The following MMP10 variants were observed in gnomAD, a reference collection of about 807,000 sequenced individuals.
MMP10 encodes the protein stromelysin-2.
MMP10 carries 50 observed loss-of-function variants against 49.1 expected under a neutral mutation model. The ratio of observed to expected loss-of-function variants is 1.02; its 90% CI spans 0.81 to 1.29. The LOEUF (loss-of-function observed/expected upper bound fraction) is 1.29, where lower values mean the gene tolerates loss of function less well. MMP10 is among the 50% of genes most tolerant of loss of function. MMP10 has a pLI of 0.00. For synonymous variants in MMP10, 229 were observed against 201.6 expected (o/e 1.14, Z -1.15); for missense variants, 613 against 563.8 (o/e 1.09, Z -0.88).
At chr11:102,780,386 A>G in intron 1 of MMP10, 101 bp downstream of exon 1, 2 of 912,176 alleles carry the variant, frequency 2.2e-6, no homozygotes, top group Non-Finnish European at 3.5e-6. Flanking sequence ...ACAGTTTTCT[A>G]ACAAAGTGAT....
intron 4 of MMP10, among the ~76,000 whole-genome samples, chr11:102,777,406 C>A (rs1029073797): frequency 6.6e-6 from 1 of 151,950 alleles, no homozygotes; most frequent in Non-Finnish European, 1.5e-5. Context: ...CAGGCACGTG[C>A]TACCATGCCC....
rs745767902 is a variant in MMP10, at chr11:102,770,864, G to A, written c.1360C>T (p.Gln454Ter). Residue 454 changes from glutamine (Q) to a stop codon, truncating the protein, a stop_gained, in exon 10 of 10, where the codon CAG becomes TAG. Coordinates refer to ENST00000279441, the MANE Select transcript of MMP10 (RefSeq NM_002425.3). LOFTEE classifies it high-confidence loss of function. ...GFFYFFSGSS[Q>*]FEFDPNARMV... ...CTGGCATTGGGGTCAAACTCAAACT[G>A]TGATGATCCACTGAAGAAGTAGAAA... 6.2e-7 allele frequency: 1 copy of A among 1,612,548 alleles called. No individual in the cohort carries two copies.
chr11:102,776,210 G>T (rs1857730211), intron 6 of MMP10, 70 bp downstream of exon 6: 3 of 1,415,454 alleles, frequency 2.1e-6, no homozygotes, highest in Non-Finnish European at 2.9e-6. Flanking sequence ...GCTCTGTCAA[G>T]TTTCTGTTTT....
rs560373036 is a variant in MMP10, at chr11:102,772,551, C to G, written c.1226+296G>C. Among the ~76,000 whole-genome samples, 1 of 152,312 alleles carries G rather than the reference C, an allele frequency of 6.6e-6. No homozygotes were observed. The highest frequency in any genetic ancestry group is 2.1e-4 in the South Asian group (1 of 4,820). On this transcript the variant is annotated intron_variant, in intron 8 of 9. Transcript: ENST00000279441. This position sits in a 1 kb window ranked among gnomAD's most constrained non-coding sequence, Gnocchi z 4.4. ...GATCCTGTCTCCAAAGCCTGCCACACCTGGGCTTCCTATGGCAGCCACATG... is the reference window on the plus strand; with the variant it reads ...GATCCTGTCTCCAAAGCCTGCCACAGCTGGGCTTCCTATGGCAGCCACATG...
Position 102,779,382 on chromosome 11 carries a change from A to C in MMP10, c.348-21T>G, listed in dbSNP as rs755934066. On this transcript the variant is annotated intron_variant, in intron 2 of 9. Transcript: ENST00000279441. ...CAATCCTGGAGGAGAAAAATTGAAGAGGATGTTATTTTCTCCTGCCTTTAT... is the reference window on the plus strand; with the variant it reads ...CAATCCTGGAGGAGAAAAATTGAAGCGGATGTTATTTTCTCCTGCCTTTAT... 4 of 1,612,396 alleles carry C rather than the reference A, an allele frequency of 2.5e-6. No homozygotes were observed. The South Asian group carries it at 4.4e-5, about 18-fold the overall frequency.
In MMP10 at chr11:102,779,243, C is replaced by G. The variant is rs1232463477; in HGVS notation, c.466G>C (p.Ala156Pro). Residue 156 changes from alanine (A) to proline (P), a missense_variant, in exon 3 of 10, where the codon GCT (alanine) becomes CCT (proline). Physicochemically the swap from Ala to Pro is conservative, Grantham distance 27. Coordinates refer to ENST00000279441, the MANE Select transcript of MMP10 (RefSeq NM_002425.3). Reference protein sequence around the residue: ...LTFSRLYEGEADIMISFAVKE... With the variant: ...LTFSRLYEGEPDIMISFAVKE... The stretch of plus-strand genomic sequence containing the variant: ...ACTGCAAAAGAGATCATTATATCAG[C>G]CTCTCCTTCATACAGCCTGGAGAAT... 6.2e-7 allele frequency: 1 copy of G among 1,613,600 alleles called. No individual in the cohort carries two copies. The highest frequency in any genetic ancestry group is 2.2e-5 in the East Asian group (1 of 44,892).
chr11:102,776,279 C>T lies in MMP10; in HGVS notation c.932+1G>A, dbSNP rs770889498. 11 of 1,612,478 alleles carry T rather than the reference C, an allele frequency of 6.8e-6. No homozygotes were observed. Among genetic ancestry groups the T allele is most frequent in the South Asian group, 1.1e-5 (1 of 90,608 alleles). ...AGGAAAATATAATTTTCTGGTCTGA[C>T]CTGTCTTTAAAGAACAGATATTCTC... On this transcript the variant is annotated splice_donor_variant, in intron 6 of 9. Transcript: ENST00000279441. LOFTEE classifies it high-confidence loss of function.
chr11:102,779,816 G>A (rs375628829), intron 1 of MMP10, 71 bp from the exon 2 acceptor site: 11 of 1,501,096 alleles, frequency 7.3e-6, no homozygotes, highest in South Asian at 1.3e-5. Flanking sequence ...ATAATCCATC[G>A]TAATTTTCCT....
intron 6 of MMP10, among the ~76,000 whole-genome samples, chr11:102,776,000 A>G (rs1353084778): frequency 6.6e-6 from 1 of 152,140 alleles, no homozygotes; most frequent in Non-Finnish European, 1.5e-5. Context: ...AAAATTCAGC[A>G]AGAACTAGAT....
Position 102,770,922 on chromosome 11 carries a change from G to C in MMP10, c.1331-29C>G, listed in dbSNP as rs773807702. On this transcript the variant is annotated intron_variant, in intron 9 of 9. Transcript: ENST00000279441. ...TAAATATAGATAAGGAAAATGATGAGACATCTTCAAATATGTCATTTTGCA... is the reference window on the plus strand; with the variant it reads ...TAAATATAGATAAGGAAAATGATGACACATCTTCAAATATGTCATTTTGCA... 9.2e-6 allele frequency: 13 copies of C among 1,411,764 alleles called. No individual in the cohort carries two copies. The Admixed American group carries it at 2.3e-4, about 25-fold the overall frequency. 87.5% of individuals were successfully genotyped at this position (1,411,764 alleles called of 1,614,324 possible).
rs1386825822 is a variant in MMP10 at position 102,776,685 on chromosome 11, G to T, written c.714C>A (p.Leu238=). 6.2e-7 allele frequency: 1 copy of T among 1,613,944 alleles called. No individual in the cohort carries two copies. Among genetic ancestry groups the T allele is most frequent in the African/African-American group, 1.3e-5 (1 of 74,914 alleles). Reference sequence around the variant, plus strand: ...GGGCGAGCTCTGTGAATGAGTTGTAGAGTGGGTACATCAAAGCTTCAGTGT... The same window carrying T: ...GGGCGAGCTCTGTGAATGAGTTGTATAGTGGGTACATCAAAGCTTCAGTGT... The part of the protein sequence containing the change: ...SANTEALMYP[L]YNSFTELAQF... Residue 238 remains leucine (L), a synonymous_variant, in exon 5 of 10, where the codon CTC becomes CTA. Transcript: ENST00000279441.
intron 5 of MMP10, 21 bp from the exon 6 acceptor site, chr11:102,776,445 G>C (rs767212291): frequency 6.2e-7 from 1 of 1,605,014 alleles, no homozygotes; most frequent in Non-Finnish European, 8.5e-7. Flanking sequence ...CAGATTTGGG[G>C]ATGCAAACAT....
chr11:102,775,459 G>A, intron 6 of MMP10, 138 bp from the exon 7 acceptor site: 1 of 612,886 alleles, frequency 1.6e-6, no homozygotes, highest in Non-Finnish European at 2.7e-6. Flanking sequence ...TGATTCCAGG[G>A]TAATGAAATC....
chr11:102,779,490 A>C lies in MMP10; in HGVS notation c.347+14T>G, dbSNP rs763984856. The stretch of plus-strand genomic sequence containing the variant: ...AGGTTTCAATATTATGTGAAAACTA[A>C]TCTGAACCATTACCTGTATGTAAGG... On this transcript the variant is annotated intron_variant, in intron 2 of 9. Transcript: ENST00000279441. The C allele has an allele frequency of 6.2e-7, 1 of 1,613,636 alleles. No individual in the cohort carries two copies. Among genetic ancestry groups the C allele is most frequent in the Admixed American group, 1.7e-5 (1 of 59,906 alleles).
intron 5 of MMP10, 41 bp from the exon 6 acceptor site, chr11:102,776,465 A>T (rs1256455123): frequency 1.3e-6 from 2 of 1,599,636 alleles, no homozygotes; most frequent in Admixed American, 1.7e-5. Context: ...TTAAAAAAAA[A>T]TGTGATGCAT....
chr11:102,780,188 CTAAA>C (rs1416035138), intron 1 of MMP10, among the ~76,000 whole-genome samples: 2 of 152,152 alleles, frequency 1.3e-5, no homozygotes, highest in African/African-American at 4.8e-5. Flanking sequence ...ATAATTTTAA[CTAAA>C]TAAATTCTAA....
At chr11:102,776,803 A>T in intron 4 of MMP10, 27 bp from the exon 5 acceptor site, 2 of 1,613,504 alleles carry the variant, frequency 1.2e-6, no homozygotes, top group Non-Finnish European at 1.7e-6. Context: ...AATGTTCAGA[A>T]TTCACCAGCT....
Position 102,770,795 on chromosome 11 carries a change from A to G in MMP10, c.1429T>C (p.Ter477GlnextTer3), listed in dbSNP as rs760780710. The G allele has an allele frequency of 6.3e-7, 1 of 1,595,830 alleles. No individual in the cohort carries two copies. Among genetic ancestry groups the G allele is most frequent in the East Asian group, 2.2e-5 (1 of 44,556 alleles). The change falls in exon 10 of 10, where the codon TAG (stop) becomes CAG (glutamine). Residue 477 changes from the stop codon to glutamine, a stop_lost. Coordinates refer to ENST00000279441, the MANE Select transcript of MMP10 (RefSeq NM_002425.3). Reference sequence around the variant, plus strand: ...TATCTGTCTTCCCCCTATCTCGCCTAGCAATGTAACCAGCTGTTACTCTTT... The same window carrying G: ...TATCTGTCTTCCCCCTATCTCGCCTGGCAATGTAACCAGCTGTTACTCTTT... ...ILKSNSWLHC[*>Q]
chr11:102,777,503 A>T (rs1446255061), intron 4 of MMP10, among the ~76,000 whole-genome samples: 1 of 151,928 alleles, frequency 6.6e-6, no homozygotes, highest in Non-Finnish European at 1.5e-5. Context: ...GATTCACCCA[A>T]CTTGGCCTCC....
Sources: gnomAD v4.1 joint callset for allele counts (sites outside exome capture counted in the v4.1 genomes callset) on GRCh38, gnomAD v4.1.1 for gene constraint, Gnocchi (gnomAD v3.1) non-coding constraint, MANE v1.5 for transcripts, NCBI Gene and HGNC (gene_info 2026-07-23, HGNC 2026-07-21) for gene names.